Variants in GGA1 observed in about 807,000 individuals in gnomAD.
GGA1 encodes the protein golgi associated, gamma adaptin ear containing, ARF binding protein 1, also known as ADP-ribosylation factor-binding protein GGA1.
Under a neutral mutation model 76.9 loss-of-function variants are expected in GGA1, and 18 were observed. The observed-to-expected ratio is 0.23, with a 90% confidence interval of 0.16 to 0.35. The LOEUF is 0.35. Ranked by LOEUF, GGA1 falls within the 10% of genes least tolerant of loss-of-function variation. The pLI is 1.00. For synonymous variants in GGA1, 342 were observed against 354.7 expected (o/e 0.96, Z 0.40); for missense variants, 755 against 859.0 (o/e 0.88, Z 1.51).
chr22:37,618,889 G>C (rs1929314383), intron 4 of GGA1, among the ~76,000 whole-genome samples: 1 of 152,156 alleles, frequency 6.6e-6, no homozygotes, highest in African/African-American at 2.4e-5. Flanking sequence ...ACTCCCTGTG[G>C]ACCTGGCCAC....
chr22:37,629,633 G>C, intron 12 of GGA1, 107 bp downstream of exon 12: 2 of 650,844 alleles, frequency 3.1e-6, no homozygotes. Context: ...CTACTCAAGA[G>C]CCCAGGGCCA....
At chr22:37,630,334 G>A in intron 13 of GGA1, 164 bp downstream of exon 13, 1 of 579,056 alleles carries the variant, frequency 1.7e-6, no homozygotes, top group Non-Finnish European at 2.9e-6. Context: ...AAACACAACA[G>A]TGCCCAAGGC....
At position 37,632,170 on chromosome 22, in the gene GGA1, C is replaced by G; in HGVS notation, c.1698+5C>G. The stretch of plus-strand genomic sequence containing the variant: ...TTCCAGTCAGCTGTCCCCAAGGTGA[C>G]AAGCCAGTCGGACAGGGCATGCCTC... On this transcript the variant is annotated splice_donor_5th_base_variant and intron_variant, in intron 15 of 16. Transcript: ENST00000343632. The surrounding 1 kb of genome is among the most constrained non-coding windows in gnomAD (Gnocchi z 5.1). 6.2e-7 allele frequency: 1 copy of G among 1,604,250 alleles called. No homozygotes were observed. The highest frequency in any genetic ancestry group is 8.5e-7 in the Non-Finnish European group (1 of 1,173,728).
chr22:37,614,660 A>G (rs1242980868), intron 2 of GGA1, among the ~76,000 whole-genome samples: 2 of 152,260 alleles, frequency 1.3e-5, no homozygotes, highest in East Asian at 3.8e-4. Context: ...CTCAAGGACG[A>G]ACCAGAACTA....
intron 12 of GGA1, among the ~76,000 whole-genome samples, 193 bp from the exon 13 acceptor site, chr22:37,629,805 G>A (rs1482036886): frequency 6.6e-6 from 1 of 152,208 alleles, no homozygotes; most frequent in East Asian, 1.9e-4. Flanking sequence ...GGTGACAGAG[G>A]TCCCTGGATT....
rs190474686 is a variant in GGA1 at position 37,622,720 on chromosome 22, C to T, written c.610-607C>T. ...CAAAGCTGGATGTGGTGGCTCATGC[C>T]TGTAATCCCAGCACTTTGGAGGCCA... is the stretch of plus-strand genomic sequence containing the variant. On this transcript the variant is annotated intron_variant, in intron 7 of 16. Coordinates refer to ENST00000343632, the MANE Select transcript of GGA1 (RefSeq NM_013365.5). Among the ~76,000 whole-genome samples, 42 of 152,348 alleles carry T rather than the reference C, an allele frequency of 2.8e-4. 1 individual carries two copies. In the East Asian group the frequency reaches 3.3e-3, roughly 12 times the overall value.
In GGA1 at chr22:37,631,985, T is replaced by C. The variant is rs561863992; in HGVS notation, c.1529-11T>C. 147 of 1,597,292 alleles carry C rather than the reference T, an allele frequency of 9.2e-5. No homozygotes were observed. Among genetic ancestry groups the C allele is most frequent in the Middle Eastern group, 3.3e-4 (2 of 6,020 alleles). Reference sequence around the variant, plus strand: ...TCAGCTGTCCCATCGCCCTCCCACCTTCTCCCACAGGCAACATCCTGCCCG... The same window carrying C: ...TCAGCTGTCCCATCGCCCTCCCACCCTCTCCCACAGGCAACATCCTGCCCG... On this transcript the variant is annotated splice_polypyrimidine_tract_variant and intron_variant, in intron 14 of 16. Coordinates refer to ENST00000343632, the MANE Select transcript of GGA1 (RefSeq NM_013365.5).
chr22:37,620,064 G>A, intron 4 of GGA1, 174 bp from the exon 5 acceptor site: 1 of 682,294 alleles, frequency 1.5e-6, no homozygotes, highest in Non-Finnish European at 2.6e-6. Context: ...ATAAGTGGCA[G>A]GGGTAGTAGG....
chr22:37,625,883 G>A lies in GGA1; in HGVS notation c.1027G>A (p.Glu343Lys), dbSNP rs766943371. ...TYPAMPTRPG[E>K]QASPEQPSAS... Reference sequence around the variant, plus strand: ...CCCAGCTATGCCCACCCGCCCTGGCGAGCAGGCCAGCCCTGAGCAGCCCAG... The same window carrying A: ...CCCAGCTATGCCCACCCGCCCTGGCAAGCAGGCCAGCCCTGAGCAGCCCAG... The change falls in exon 11 of 17, where the codon GAG (glutamate) becomes AAG (lysine). Residue 343 changes from glutamate (E) to lysine (K), a missense_variant. Transcript: ENST00000343632. This position sits in a 1 kb window ranked among gnomAD's most constrained non-coding sequence, Gnocchi z 4.1. 7.4e-6 allele frequency: 12 copies of A among 1,611,140 alleles called. No homozygotes were observed. The highest frequency in any genetic ancestry group is 1.0e-5 in the Non-Finnish European group (12 of 1,179,162).
At position 37,614,330 on chromosome 22, in the gene GGA1, C is replaced by CT; in HGVS notation, c.128+56_128+57insT. 8.9e-6 allele frequency: 11 copies of CT among 1,234,920 alleles called. No homozygotes were observed. The Admixed American group carries it at 1.9e-4, about 21-fold the overall frequency. 76.5% of individuals were successfully genotyped at this position (1,234,920 alleles called of 1,614,324 possible). On this transcript the variant is annotated intron_variant, in intron 2 of 16. Transcript: ENST00000343632. ...CCCTGCACTCTCCAGAACCCAGTCTCGGGTACAATGGCCTGGGTGGGTGGA... is the reference window on the plus strand; with the variant it reads ...CCCTGCACTCTCCAGAACCCAGTCTCTGGGTACAATGGCCTGGGTGGGTGGA...
In GGA1 at chr22:37,614,023, C is replaced by G. The variant is rs1928262662; in HGVS notation, c.44-167C>G. Reference sequence around the variant, plus strand: ...GCTGTGCTCATCTGTCTGTCTACACCCACAATCAGGTCTTGAGGCTGTCTG... The same window carrying G: ...GCTGTGCTCATCTGTCTGTCTACACGCACAATCAGGTCTTGAGGCTGTCTG... On this transcript the variant is annotated intron_variant, in intron 1 of 16. Transcript: ENST00000343632. The G allele has an allele frequency of 2.6e-5, 16 of 615,404 alleles. No homozygotes were observed. The South Asian group carries it at 2.8e-4, about 11-fold the overall frequency. 38.1% of individuals were successfully genotyped at this position (615,404 alleles called of 1,614,324 possible).
intron 13 of GGA1, chr22:37,630,669 C>T (rs1931639773): frequency 3.7e-6 from 2 of 537,636 alleles, no homozygotes; most frequent in Non-Finnish European, 6.5e-6. Flanking sequence ...CAAACTCAAG[C>T]GATTCTCCTA....
chr22:37,612,240 G>A (rs977683561), intron 1 of GGA1, among the ~76,000 whole-genome samples: 10 of 151,680 alleles, frequency 6.6e-5, no homozygotes, highest in Admixed American at 2.0e-4. Context: ...CGAGGCAGGT[G>A]GATCACGAGG....
intron 2 of GGA1, 51 bp downstream of exon 2, chr22:37,614,325 A>G (rs374837125): frequency 3.1e-6 from 4 of 1,287,708 alleles, no homozygotes; most frequent in Non-Finnish European, 3.4e-6. Context: ...TCCAGAACCC[A>G]GTCTCGGGTA....
Position 37,624,081 on chromosome 22 carries a change from G to A in GGA1, c.832+448G>A, listed in dbSNP as rs529576957. On this transcript the variant is annotated intron_variant, in intron 9 of 16. Coordinates refer to ENST00000343632, the MANE Select transcript of GGA1 (RefSeq NM_013365.5). This position sits in a 1 kb window ranked among gnomAD's most constrained non-coding sequence, Gnocchi z 4.3. ...ACCTGAGCCTGACGGCTTCTGCCAG[G>A]GCCACATACCAGGTTCTTTTCCTTG... is the stretch of plus-strand genomic sequence containing the variant. 6 of 177,080 alleles carry A rather than the reference G, an allele frequency of 3.4e-5. No individual in the cohort carries two copies. In the South Asian group the frequency reaches 6.4e-4, roughly 19 times the overall value. 11.0% of individuals were successfully genotyped at this position (177,080 alleles called of 1,614,324 possible). A position where few individuals can be genotyped will look rare whatever the true frequency, so the allele number is the denominator to read the frequency against.
At chr22:37,622,089 C>CT (rs1929998015) in intron 7 of GGA1, among the ~76,000 whole-genome samples, 1 of 151,490 alleles carries the variant, frequency 6.6e-6, no homozygotes, top group Admixed American at 6.6e-5. Flanking sequence ...TATGAGGAGA[C>CT]TTTTTTTGAG....
In GGA1 at chr22:37,623,986, C is replaced by G; in HGVS notation, c.832+353C>G. ...CCAGGGGAGACGGAGGGCCATCTGCCCCCAGACCTTCCTCCCTAATGAGGG... is the reference window on the plus strand; with the variant it reads ...CCAGGGGAGACGGAGGGCCATCTGCGCCCAGACCTTCCTCCCTAATGAGGG... On this transcript the variant is annotated intron_variant, in intron 9 of 16. Coordinates refer to ENST00000343632, the MANE Select transcript of GGA1 (RefSeq NM_013365.5). This position sits in a 1 kb window ranked among gnomAD's most constrained non-coding sequence, Gnocchi z 4.6. 1 of 259,540 alleles carries G rather than the reference C, an allele frequency of 3.9e-6. No homozygotes were observed. Among genetic ancestry groups the G allele is most frequent in the Non-Finnish European group, 7.6e-6 (1 of 131,312 alleles). The allele number at this position is 259,540 out of a possible 1,614,324, so 16.1% of individuals were successfully genotyped here.
At chr22:37,609,176 C>T (rs1287941091) in intron 1 of GGA1, 2 of 1,422,738 alleles carry the variant, frequency 1.4e-6, no homozygotes, top group South Asian at 1.3e-5. Context: ...CGGGAACCCC[C>T]GGGACGGAGA....
chr22:37,613,139 G>A (rs1411623636), intron 1 of GGA1: 16 of 985,350 alleles, frequency 1.6e-5, no homozygotes, highest in Non-Finnish European at 1.9e-5. Flanking sequence ...TTAGAGAAGG[G>A]GACACCGGAG....
Sources: allele counts gnomAD v4.1 joint callset (sites outside exome capture counted in the v4.1 genomes callset), GRCh38; gene constraint gnomAD v4.1.1; non-coding constraint Gnocchi (gnomAD v3.1); transcripts MANE v1.5; gene names NCBI Gene and HGNC (gene_info 2026-07-23, HGNC 2026-07-21).